PELI2: variants seen among roughly 807,000 people sequenced by gnomAD.
PELI2 encodes pellino E3 ubiquitin protein ligase family member 2, also known as E3 ubiquitin-protein ligase pellino homolog 2.
Under a neutral mutation model 42.3 loss-of-function variants are expected in PELI2, and 23 were observed. The observed-to-expected ratio is 0.54, with a 90% CI of 0.39 to 0.77. The LOEUF is 0.77. Ranked by LOEUF, PELI2 falls within the 30% of genes least tolerant of loss-of-function variation. The pLI is 0.00. For missense variants in PELI2, 463 were observed against 553.2 expected, an observed-to-expected ratio of 0.84 and a Z score of 1.64; for synonymous variants, 245 against 212.2, an observed-to-expected ratio of 1.15 and a Z score of -1.34.
At chr14:56,279,811 A>C (rs376893442) in intron 3 of PELI2, 34 bp downstream of exon 3, 1 of 1,119,234 alleles carries the variant, frequency 8.9e-7, no homozygotes, top group Admixed American at 1.8e-5. Flanking sequence ...AAATTTTAGC[A>C]CGTTTTCCTT....
chr14:56,206,654 T>C (rs983847450), intron 2 of PELI2, among the ~76,000 whole-genome samples: 2 of 152,238 alleles, frequency 1.3e-5, no homozygotes, highest in African/African-American at 4.8e-5. Flanking sequence ...TCCTGGACTT[T>C]ATCACCAGCC....
intron 2 of PELI2, among the ~76,000 whole-genome samples, chr14:56,213,756 A>G (rs1886794188): frequency 6.6e-6 from 1 of 152,098 alleles, no homozygotes; most frequent in African/African-American, 2.4e-5. Context: ...CCAGTAAAAA[A>G]CTTAAGATTA....
chr14:56,229,161 G>C (rs1405252261), intron 2 of PELI2, among the ~76,000 whole-genome samples: 2 of 152,240 alleles, frequency 1.3e-5, no homozygotes, highest in African/African-American at 4.8e-5. Flanking sequence ...CTCCACCTGT[G>C]GGGGCAGGGA....
At chr14:56,210,867 A>G (rs1303096124) in intron 2 of PELI2, among the ~76,000 whole-genome samples, 1 of 152,206 alleles carries the variant, frequency 6.6e-6, no homozygotes, top group Non-Finnish European at 1.5e-5. Context: ...GAACATCCTC[A>G]GAGTTTTCCC....
intron 1 of PELI2, among the ~76,000 whole-genome samples, chr14:56,165,499 A>G (rs1326236467): frequency 6.6e-6 from 1 of 152,054 alleles, no homozygotes; most frequent in Non-Finnish European, 1.5e-5. Context: ...TGGACAGACC[A>G]CATAATGTGG....
At chr14:56,216,986 A>G (rs1886929054) in intron 2 of PELI2, among the ~76,000 whole-genome samples, 1 of 152,228 alleles carries the variant, frequency 6.6e-6, no homozygotes, top group South Asian at 2.1e-4. Context: ...CAGCATCTCA[A>G]TTGAGTTCTA....
rs1350992998 is a variant in PELI2, at chr14:56,273,478, C to CA, written c.208-6192dup. Among the ~76,000 whole-genome samples, 9 of 152,136 alleles carry CA rather than the reference C, an allele frequency of 5.9e-5. No individual in the cohort carries two copies. Among genetic ancestry groups the CA allele is most frequent in the African/African-American group, 2.2e-4 (9 of 41,414 alleles). On this transcript the variant is annotated intron_variant, in intron 2 of 5. Coordinates refer to ENST00000267460, the MANE Select transcript of PELI2 (RefSeq NM_021255.3). This position sits in a 1 kb window ranked among gnomAD's most constrained non-coding sequence, Gnocchi z 4.3. ...CTTCAGGACAGAAAGTTAAGGGCTG[C>CA]AAAAAAGCTGATTATAAAATTCCTT... is the stretch of plus-strand genomic sequence containing the variant.
At chr14:56,173,096 G>A (rs1885238464) in intron 1 of PELI2, among the ~76,000 whole-genome samples, 1 of 152,060 alleles carries the variant, frequency 6.6e-6, no homozygotes, top group African/African-American at 2.4e-5. Context: ...TAATTTCTCT[G>A]GAGCTCCAGA....
intron 2 of PELI2, among the ~76,000 whole-genome samples, chr14:56,252,901 CA>C: frequency 6.6e-6 from 1 of 152,164 alleles, no homozygotes; most frequent in Middle Eastern, 3.4e-3. Flanking sequence ...AGAGACACAA[CA>C]AAAAAGGAAA....
intron 2 of PELI2, among the ~76,000 whole-genome samples, chr14:56,242,010 T>C (rs1887993588): frequency 6.6e-6 from 1 of 152,066 alleles, no homozygotes; most frequent in African/African-American, 2.4e-5. Flanking sequence ...ATTCCCAGGA[T>C]GGTGAGAGGC....
chr14:56,191,047 C>T (rs1252242001), intron 2 of PELI2, among the ~76,000 whole-genome samples: 1 of 152,090 alleles, frequency 6.6e-6, no homozygotes, highest in African/African-American at 2.4e-5. Context: ...AGTGACAGTC[C>T]CCGATGCCAC....
chr14:56,286,009 G>A (rs1889633219), intron 3 of PELI2, among the ~76,000 whole-genome samples: 1 of 152,158 alleles, frequency 6.6e-6, no homozygotes, highest in Non-Finnish European at 1.5e-5. Context: ...AAACATCCAA[G>A]CAGATGATCA....
At chr14:56,294,352 G>A (rs1272450589) in intron 5 of PELI2, among the ~76,000 whole-genome samples, 1 of 152,140 alleles carries the variant, frequency 6.6e-6, no homozygotes, top group East Asian at 1.9e-4. Flanking sequence ...GAGGTAGTGC[G>A]CTCATGGACT....
chr14:56,291,070 T>C (rs913532902), intron 5 of PELI2, among the ~76,000 whole-genome samples: 4 of 152,218 alleles, frequency 2.6e-5, no homozygotes, highest in African/African-American at 9.6e-5. Context: ...CCATTCTTTC[T>C]TGGAGAATAA....
chr14:56,231,973 G>A (rs1468890722), intron 2 of PELI2, among the ~76,000 whole-genome samples: 1 of 152,098 alleles, frequency 6.6e-6, no homozygotes, highest in Non-Finnish European at 1.5e-5. Context: ...AGAGAATACT[G>A]TAAACACCTC....
At chr14:56,190,323 G>A (rs1017766707) in intron 2 of PELI2, among the ~76,000 whole-genome samples, 3 of 152,118 alleles carry the variant, frequency 2.0e-5, no homozygotes, top group African/African-American at 7.2e-5. Flanking sequence ...GTTAAATTTG[G>A]TTCTCTTAAA....
intron 1 of PELI2, among the ~76,000 whole-genome samples, chr14:56,150,442 A>G (rs929146479): frequency 6.6e-6 from 1 of 152,086 alleles, no homozygotes; most frequent in Non-Finnish European, 1.5e-5. Flanking sequence ...ATTTTTAAGT[A>G]TACTCAGTAG....
At chr14:56,125,397 A>G (rs569738099) in intron 1 of PELI2, among the ~76,000 whole-genome samples, 1 of 137,250 alleles carries the variant, frequency 7.3e-6, no homozygotes, top group African/African-American at 2.7e-5. Flanking sequence ...ATAAGGAGGA[A>G]GAGAGTTATT....
At position 56,300,338 on chromosome 14, in the gene PELI2, T is replaced by TTTCCA. The variant is rs1890136789; in HGVS notation, c.*3172_*3173insTTCCA. 2 of 152,638 alleles carry TTTCCA rather than the reference T, an allele frequency of 1.3e-5. No individual in the cohort carries two copies. The highest frequency in any genetic ancestry group is 2.9e-5 in the Non-Finnish European group (2 of 68,042). The allele number at this position is 152,638 out of a possible 1,614,324, so 9.5% of individuals were successfully genotyped here. On this transcript the variant is annotated 3_prime_UTR_variant, in exon 6 of 6. Coordinates refer to ENST00000267460, the MANE Select transcript of PELI2 (RefSeq NM_021255.3). ...TGTCAGAAACTGGCATAAACATGATTGTAGTAGAATTTATTTTCCAGTACC... is the reference window on the plus strand; with the variant it reads ...TGTCAGAAACTGGCATAAACATGATTTTCCAGTAGTAGAATTTATTTTCCAGTACC...
Sources: allele counts gnomAD v4.1 joint callset (sites outside exome capture counted in the v4.1 genomes callset), GRCh38; gene constraint gnomAD v4.1.1; non-coding constraint Gnocchi (gnomAD v3.1); transcripts MANE v1.5; gene names NCBI Gene and HGNC (gene_info 2026-07-23, HGNC 2026-07-21).